Variants in TWIST2 observed in about 807,000 individuals in gnomAD.
TWIST2 encodes twist family bHLH transcription factor 2.
Under a neutral mutation model 11.6 loss-of-function variants are expected in TWIST2, and 1 was observed. The ratio of observed to expected loss-of-function variants is 0.09; its 90% CI spans 0.03 to 0.41. The LOEUF (loss-of-function observed/expected upper bound fraction) is 0.41, where lower values mean the gene tolerates loss of function less well. TWIST2 is among the 10% of genes least tolerant of loss of function. The pLI is 0.98. For synonymous variants in TWIST2, 87 were observed against 96.6 expected, an observed-to-expected ratio of 0.90 and a Z score of 0.58; for missense variants, 168 against 226.4, an observed-to-expected ratio of 0.74 and a Z score of 1.66.
chr2:238,869,185 A>C (rs1692601439), intron 1 of TWIST2, among the ~76,000 whole-genome samples: 1 of 152,202 alleles, frequency 6.6e-6, no homozygotes, highest in African/African-American at 2.4e-5. Context: ...AAATAGGTCC[A>C]AGTGCGGTGA....
At chr2:238,895,823 G>A (rs1197362192) in intron 1 of TWIST2, among the ~76,000 whole-genome samples, 1 of 152,136 alleles carries the variant, frequency 6.6e-6, no homozygotes, top group Non-Finnish European at 1.5e-5. Context: ...TGATGCTGGG[G>A]GCTCCAAGCA....
chr2:238,890,325 C>T (rs985546727), intron 1 of TWIST2, among the ~76,000 whole-genome samples: 2 of 152,182 alleles, frequency 1.3e-5, no homozygotes, highest in Non-Finnish European at 1.5e-5. Flanking sequence ...GAGCACAGCC[C>T]GGCCTGCGCG....
intron 1 of TWIST2, among the ~76,000 whole-genome samples, chr2:238,890,157 C>T (rs985432248): frequency 1.4e-5 from 2 of 147,610 alleles, no homozygotes; most frequent in African/African-American, 5.1e-5. Flanking sequence ...CTGCATTGGC[C>T]TCTGCACGTG....
intron 1 of TWIST2, among the ~76,000 whole-genome samples, chr2:238,870,283 T>A (rs1161047393): frequency 0.034 from 4 of 116 alleles, 1 homozygote; most frequent in Non-Finnish European, 0.079. Flanking sequence ...CACACACACA[T>A]CACATACCAC....
chr2:238,865,781 G>T (rs1458677637), intron 1 of TWIST2, among the ~76,000 whole-genome samples: 3 of 151,990 alleles, frequency 2.0e-5, no homozygotes, highest in Non-Finnish European at 4.4e-5. Context: ...TTTATACGTG[G>T]TGCCAGTGAA....
chr2:238,880,585 TTA>T (rs1216488872), intron 1 of TWIST2, among the ~76,000 whole-genome samples: 1 of 90,610 alleles, frequency 1.1e-5, no homozygotes, highest in Admixed American at 1.3e-4. Flanking sequence ...AGTATTAGTA[TTA>T]GTGTTATGTT....
intron 1 of TWIST2, among the ~76,000 whole-genome samples, chr2:238,851,112 A>G (rs1300555772): frequency 6.6e-6 from 1 of 152,236 alleles, no homozygotes; most frequent in Non-Finnish European, 1.5e-5. Flanking sequence ...ATCTCTAGAC[A>G]TTTCAGTACA....
intron 1 of TWIST2, among the ~76,000 whole-genome samples, chr2:238,905,587 G>A (rs1693330108): frequency 6.6e-6 from 1 of 152,154 alleles, no homozygotes; most frequent in African/African-American, 2.4e-5. Context: ...CCAGGGAACG[G>A]CCCCTGTCAT....
chr2:238,856,171 C>T (rs1335969303), intron 1 of TWIST2, among the ~76,000 whole-genome samples: 4 of 152,034 alleles, frequency 2.6e-5, no homozygotes, highest in East Asian at 1.9e-4. Context: ...TGTGTGACTG[C>T]GAAGGTGTTA....
At chr2:238,894,081 C>A (rs992625617) in intron 1 of TWIST2, among the ~76,000 whole-genome samples, 6 of 152,288 alleles carry the variant, frequency 3.9e-5, no homozygotes, top group African/African-American at 1.4e-4. Flanking sequence ...TCTTGGGAAT[C>A]CAGAGGCCTG....
intron 1 of TWIST2, among the ~76,000 whole-genome samples, chr2:238,896,388 A>G (rs1292744779): frequency 6.6e-6 from 1 of 152,088 alleles, no homozygotes; most frequent in Non-Finnish European, 1.5e-5. Context: ...TCCCTGCAGG[A>G]CCCCATTTCA....
chr2:238,869,603 T>C (rs911370287), intron 1 of TWIST2, among the ~76,000 whole-genome samples: 3 of 152,192 alleles, frequency 2.0e-5, no homozygotes, highest in Admixed American at 6.5e-5. Flanking sequence ...AAAAGATGCT[T>C]GACACTACCA....
chr2:238,880,127 G>A (rs145250698), intron 1 of TWIST2, among the ~76,000 whole-genome samples: 3,374 of 148,312 alleles, frequency 0.023, 112 homozygotes, highest in African/African-American at 0.081. Context: ...GCTAGCGTTA[G>A]TATTAGTGTG....
At chr2:238,904,605 G>A (rs1559285121) in intron 1 of TWIST2, among the ~76,000 whole-genome samples, 2 of 152,086 alleles carry the variant, frequency 1.3e-5, no homozygotes, top group South Asian at 4.1e-4. Context: ...CCTTTCTGTG[G>A]TAGAGTCTAC....
rs1415168078 is a variant in TWIST2, at chr2:238,848,297, C to T, written c.82C>T (p.Arg28Cys). 6.5e-7 allele frequency: 1 copy of T among 1,533,054 alleles called. No individual in the cohort carries two copies. Among genetic ancestry groups the T allele is most frequent in the South Asian group, 1.2e-5 (1 of 83,958 alleles). 95.0% of individuals were successfully genotyped at this position (1,533,054 alleles called of 1,614,324 possible). The change falls in exon 1 of 2, where the codon CGC becomes TGC. Residue 28 changes from arginine to cysteine, a missense_variant. This residue lies in a region of TWIST2 where 83 missense variants were observed against 92.7 expected (regional missense o/e 0.90). Coordinates refer to ENST00000612363, the MANE Select transcript of TWIST2 (RefSeq NM_001271893.4). ...GGAGGAGCTCGAGAGGCAGCCCAAGCGCTTCGGCCGGAAGCGGCGCTACAG... is the reference window on the plus strand; with the variant it reads ...GGAGGAGCTCGAGAGGCAGCCCAAGTGCTTCGGCCGGAAGCGGCGCTACAG... ...SEEELERQPK[R>C]FGRKRRYSKK...
At chr2:238,852,696 C>T (rs989750553) in intron 1 of TWIST2, among the ~76,000 whole-genome samples, 2 of 151,940 alleles carry the variant, frequency 1.3e-5, no homozygotes, top group South Asian at 4.1e-4. Context: ...CACATGTACA[C>T]ACGAGTGTAT....
At chr2:238,905,899 G>A (rs1693338620) in intron 1 of TWIST2, among the ~76,000 whole-genome samples, 2 of 118,736 alleles carry the variant, frequency 1.7e-5, no homozygotes, top group African/African-American at 3.6e-5. Context: ...GCATGCGCGT[G>A]TGTGCGTGTG....
At chr2:238,898,022 A>C (rs1231521579) in intron 1 of TWIST2, among the ~76,000 whole-genome samples, 1 of 152,106 alleles carries the variant, frequency 6.6e-6, no homozygotes, top group African/African-American at 2.4e-5. Context: ...CTGTCCACTG[A>C]GTGTCTGGCC....
chr2:238,902,525 GGGT>G (rs1364913820), intron 1 of TWIST2, among the ~76,000 whole-genome samples: 1 of 121,772 alleles, frequency 8.2e-6, no homozygotes, highest in Non-Finnish European at 1.8e-5. Context: ...ATGTAGTATG[GGGT>G]GTGTGTGTGG....
Sources: gnomAD v4.1 joint callset for allele counts (sites outside exome capture counted in the v4.1 genomes callset) on GRCh38, gnomAD v4.1.1 for gene constraint, gnomAD v4.1.1 regional missense constraint, MANE v1.5 for transcripts, NCBI Gene and HGNC (gene_info 2026-07-23, HGNC 2026-07-21) for gene names.